Variants in LARP4 observed in about 807,000 individuals in gnomAD.
LARP4 encodes the protein La ribonucleoprotein 4, also known as la-related protein 4.
LARP4 carries 29 observed loss-of-function variants against 92.9 expected under a neutral mutation model. The observed-to-expected ratio is 0.31, with a 90% CI of 0.23 to 0.43. The LOEUF (loss-of-function observed/expected upper bound fraction) is 0.43, where lower values mean the gene tolerates loss of function less well. Ranked by LOEUF, LARP4 falls within the 20% of genes least tolerant of loss-of-function variation. The pLI is 1.00. For synonymous variants in LARP4, 279 were observed against 284.1 expected (o/e 0.98, Z 0.18); for missense variants, 732 against 860.0 (o/e 0.85, Z 1.86).
intron 8 of LARP4, among the ~76,000 whole-genome samples, chr12:50,442,968 C>T (rs966712205): frequency 6.6e-6 from 1 of 152,122 alleles, no homozygotes; most frequent in Non-Finnish European, 1.5e-5. Flanking sequence ...ATGTTCTTCT[C>T]CCTTTTATCT....
At position 50,420,502 on chromosome 12, in the gene LARP4, A is replaced by G. The variant is rs1450554353; in HGVS notation, c.19-7260A>G. ...TCAGGGAGTTCAGCAGATCCCAGTT[A>G]TATCAGATAAAAAACAATTTCACAC... On this transcript the variant is annotated intron_variant, in intron 1 of 15. Transcript: ENST00000398473. Among the ~76,000 whole-genome samples, 4 of 152,234 alleles carry G rather than the reference A, an allele frequency of 2.6e-5. No individual in the cohort carries two copies. The East Asian group carries it at 7.7e-4, about 29-fold the overall frequency.
intron 11 of LARP4, 32 bp downstream of exon 11, chr12:50,461,379 T>C: frequency 1.9e-6 from 3 of 1,565,492 alleles, no homozygotes. Context: ...AAACCTTTGA[T>C]AATAATGTGA....
At chr12:50,464,160 G>T (rs557828748) in intron 12 of LARP4, among the ~76,000 whole-genome samples, 8 of 152,238 alleles carry the variant, frequency 5.3e-5, no homozygotes, top group African/African-American at 1.9e-4. Flanking sequence ...TTGCTGTAAA[G>T]AAATACTTGA....
chr12:50,469,952 G>C lies in LARP4; in HGVS notation c.1545+2832G>C, dbSNP rs1956723097. ...AAAAAATAAATAGGCAGGCACATTG[G>C]CTCATACCTGTAATCCCAGCACTGT... On this transcript the variant is annotated intron_variant, in intron 13 of 15. Coordinates refer to ENST00000398473, the MANE Select transcript of LARP4 (RefSeq NM_052879.5). Among the ~76,000 whole-genome samples, 3 of 151,684 alleles carry C rather than the reference G, an allele frequency of 2.0e-5. No individual in the cohort carries two copies. In the South Asian group the frequency reaches 6.2e-4, roughly 31 times the overall value.
At chr12:50,406,539 T>C (rs1030142362) in intron 1 of LARP4, among the ~76,000 whole-genome samples, 3 of 152,162 alleles carry the variant, frequency 2.0e-5, no homozygotes, top group African/African-American at 4.8e-5. Flanking sequence ...CTCACTGTGT[T>C]GTCCAGGCTG....
chr12:50,413,281 C>A (rs1946229153), intron 1 of LARP4, among the ~76,000 whole-genome samples: 1 of 151,670 alleles, frequency 6.6e-6, no homozygotes, highest in African/African-American at 2.4e-5. Flanking sequence ...TTTATTCTAG[C>A]TAAACTGACT....
intron 13 of LARP4, among the ~76,000 whole-genome samples, chr12:50,470,450 T>G (rs1006289199): frequency 6.6e-6 from 1 of 151,992 alleles, no homozygotes; most frequent in African/African-American, 2.4e-5. Flanking sequence ...TTTTTTTTTT[T>G]GAGATGGAGT....
intron 1 of LARP4, among the ~76,000 whole-genome samples, chr12:50,419,283 T>C (rs947097656): frequency 6.6e-6 from 1 of 152,138 alleles, no homozygotes; most frequent in Non-Finnish European, 1.5e-5. Context: ...GGAGGATTGC[T>C]TCATCTTGGA....
Position 50,440,562 on chromosome 12 carries a change from C to T in LARP4, c.750+13C>T, listed in dbSNP as rs767418919. ...AGATGCACAACAGGTAAGAAGAAAA[C>T]ATTTTCTGATACAAGTCCATCCTAG... On this transcript the variant is annotated intron_variant, in intron 7 of 15. Coordinates refer to ENST00000398473, the MANE Select transcript of LARP4 (RefSeq NM_052879.5). 1.3e-6 allele frequency: 2 copies of T among 1,559,906 alleles called. No individual in the cohort carries two copies. Among genetic ancestry groups the T allele is most frequent in the African/African-American group, 1.4e-5 (1 of 73,864 alleles).
intron 1 of LARP4, among the ~76,000 whole-genome samples, chr12:50,426,684 G>GGTGGGT (rs1555232614): frequency 1.4e-4 from 12 of 86,174 alleles, no homozygotes; most frequent in Admixed American, 3.1e-4. Context: ...TTATGTTTGG[G>GGTGGGT]GTGTGTGTGT....
Position 50,454,331 on chromosome 12 carries a change from T to C in LARP4, c.1035T>C (p.Gly345=). The change falls in exon 10 of 16, where the codon GGT becomes GGC. Residue 345 remains glycine (G), a synonymous_variant. Coordinates refer to ENST00000398473, the MANE Select transcript of LARP4 (RefSeq NM_052879.5). ...TTTTCTAGGCTCCCTTTCCCAATGG[T>C]AGTTTTGTGAATGGCTTTAATTCGC... is the stretch of plus-strand genomic sequence containing the variant. The part of the protein sequence containing the change: ...FETPLAPFPN[G]SFVNGFNSPG... The C allele has an allele frequency of 6.2e-7, 1 of 1,613,140 alleles. No individual in the cohort carries two copies. The highest frequency in any genetic ancestry group is 1.1e-5 in the South Asian group (1 of 90,832).
At chr12:50,470,361 G>C (rs1956783811) in intron 13 of LARP4, among the ~76,000 whole-genome samples, 2 of 151,886 alleles carry the variant, frequency 1.3e-5, no homozygotes, top group South Asian at 2.1e-4. Flanking sequence ...TAATGGTGTA[G>C]TTCAACAAAT....
At chr12:50,463,894 C>T (rs527650413) in intron 12 of LARP4, among the ~76,000 whole-genome samples, 2 of 152,196 alleles carry the variant, frequency 1.3e-5, no homozygotes, top group African/African-American at 4.8e-5. Context: ...AGATCTGTGC[C>T]CCTGGAGCAG....
intron 12 of LARP4, among the ~76,000 whole-genome samples, chr12:50,465,526 A>G (rs757597812): frequency 6.6e-6 from 1 of 152,186 alleles, no homozygotes; most frequent in Non-Finnish European, 1.5e-5. Context: ...GGGAGATCTT[A>G]GCTGGGAATA....
chr12:50,467,178 G>T (rs371648886), intron 13 of LARP4, 58 bp downstream of exon 13: 24 of 1,382,688 alleles, frequency 1.7e-5, no homozygotes, highest in Non-Finnish European at 1.9e-5. Context: ...TTTATTTGCA[G>T]TGTTGTTATT....
In LARP4 at chr12:50,440,461, G is replaced by A. The variant is rs1254385705; in HGVS notation, c.662G>A (p.Ser221Asn). Reference sequence around the variant, plus strand: ...TAGGAAGTGAAAGGTTTGTTCAAAAGTGAAAACTGCCCCAAAGTGATAAGC... The same window carrying A: ...TAGGAAGTGAAAGGTTTGTTCAAAAATGAAAACTGCCCCAAAGTGATAAGC... The part of the protein sequence containing the change: ...PIEEVKGLFK[S>N]ENCPKVISCE... Residue 221 changes from serine (S) to asparagine (N), a missense_variant, in exon 7 of 16, where the codon AGT becomes AAT. Around this residue, in one of 7 missense-constraint regions of LARP4, gnomAD observed 236 missense variants for 307.6 expected, o/e 0.77. Coordinates refer to ENST00000398473, the MANE Select transcript of LARP4 (RefSeq NM_052879.5). 1.2e-6 allele frequency: 2 copies of A among 1,613,582 alleles called. No individual in the cohort carries two copies. Among genetic ancestry groups the A allele is most frequent in the Non-Finnish European group, 1.7e-6 (2 of 1,179,690 alleles).
chr12:50,422,553 A>G (rs949688766), intron 1 of LARP4, among the ~76,000 whole-genome samples: 3 of 152,078 alleles, frequency 2.0e-5, no homozygotes, highest in African/African-American at 7.2e-5. Flanking sequence ...ATTAGTATCC[A>G]TCTGAGTTAT....
At chr12:50,454,281 A>G (rs1593276437) in intron 9 of LARP4, 33 bp from the exon 10 acceptor site, 3 of 1,527,922 alleles carry the variant, frequency 2.0e-6, no homozygotes, top group Non-Finnish European at 2.7e-6. Context: ...TACCTTTGCC[A>G]TTAATATTGT....
chr12:50,459,779 G>A (rs917598399), intron 10 of LARP4, among the ~76,000 whole-genome samples: 25 of 146,216 alleles, frequency 1.7e-4, no homozygotes, highest in African/African-American at 3.9e-4. Flanking sequence ...ACCTGAGATC[G>A]CGCCATTGCA....
Sources: allele counts gnomAD v4.1 joint callset (sites outside exome capture counted in the v4.1 genomes callset), GRCh38; gene constraint gnomAD v4.1.1; regional missense constraint gnomAD v4.1.1; transcripts MANE v1.5; gene names NCBI Gene and HGNC (gene_info 2026-07-23, HGNC 2026-07-21).